The following NKAIN3 variants were observed in gnomAD, a reference collection of about 807,000 sequenced individuals.
NKAIN3 encodes the protein sodium/potassium-transporting ATPase subunit beta-1-interacting protein 3.
Under a neutral mutation model 30.2 loss-of-function variants are expected in NKAIN3, and 25 were observed. The ratio of observed to expected loss-of-function variants is 0.83; its 90% CI spans 0.60 to 1.16. NKAIN3 has a LOEUF of 1.16. NKAIN3 is among the 50% of genes most tolerant of loss of function. The pLI, the probability that NKAIN3 is intolerant of heterozygous loss-of-function variation, is 0.00. For synonymous variants in NKAIN3, 91 were observed against 89.6 expected (o/e 1.02, Z -0.09); for missense variants, 225 against 254.1 (o/e 0.89, Z 0.78).
At chr8:62,885,868 T>G (rs1180735071) in intron 4 of NKAIN3, among the ~76,000 whole-genome samples, 1 of 152,190 alleles carries the variant, frequency 6.6e-6, no homozygotes, top group Non-Finnish European at 1.5e-5. Context: ...TATCTGTATG[T>G]GTTTTTACAT....
intron 1 of NKAIN3, among the ~76,000 whole-genome samples, chr8:62,462,219 A>G (rs1320262317): frequency 1.3e-5 from 2 of 152,110 alleles, no homozygotes; most frequent in African/African-American, 4.8e-5. Context: ...TTCTCTTCTA[A>G]TGCTTCCATT....
At chr8:62,533,560 A>T (rs1362386552) in intron 1 of NKAIN3, among the ~76,000 whole-genome samples, 1 of 152,204 alleles carries the variant, frequency 6.6e-6, no homozygotes, top group Admixed American at 6.5e-5. Context: ...CATGAATTAC[A>T]TTTGGGAGAC....
chr8:62,254,703 T>C (rs1812212812), intron 1 of NKAIN3, among the ~76,000 whole-genome samples: 2 of 152,240 alleles, frequency 1.3e-5, no homozygotes, highest in Admixed American at 1.3e-4. Flanking sequence ...TTTTGTATTC[T>C]GTCCTAGGAA....
intron 3 of NKAIN3, among the ~76,000 whole-genome samples, chr8:62,746,014 A>G (rs1486040491): frequency 2.0e-5 from 3 of 152,244 alleles, no homozygotes; most frequent in Admixed American, 2.0e-4. Flanking sequence ...TTAACAAATC[A>G]TCACAAAATT....
chr8:62,434,216 G>T (rs1182540376), intron 1 of NKAIN3, among the ~76,000 whole-genome samples: 2 of 152,192 alleles, frequency 1.3e-5, no homozygotes, highest in Non-Finnish European at 2.9e-5. Flanking sequence ...CCATGAAGTT[G>T]TCCTTCGGGA....
chr8:62,994,920 C>A (rs1804072036), intron 5 of NKAIN3, among the ~76,000 whole-genome samples: 1 of 152,148 alleles, frequency 6.6e-6, no homozygotes, highest in South Asian at 2.1e-4. Context: ...ATTAAGCCTA[C>A]ATCATTGGGG....
intron 5 of NKAIN3, among the ~76,000 whole-genome samples, chr8:62,919,270 A>C (rs1403565930): frequency 2.0e-4 from 14 of 69,304 alleles, no homozygotes; most frequent in African/African-American, 2.6e-4. Context: ...TTTGAGACGG[A>C]GTCTCCCTCT....
chr8:62,337,635 C>G (rs1422436331), intron 1 of NKAIN3, among the ~76,000 whole-genome samples: 1 of 151,866 alleles, frequency 6.6e-6, no homozygotes, highest in Non-Finnish European at 1.5e-5. Flanking sequence ...TGTGTGTACA[C>G]ATATACAAAC....
At chr8:62,831,961 TA>T (rs1272330977) in intron 4 of NKAIN3, among the ~76,000 whole-genome samples, 1 of 151,726 alleles carries the variant, frequency 6.6e-6, no homozygotes, top group Admixed American at 6.6e-5. Flanking sequence ...AAAGGCAGCT[TA>T]AAAAAAGAAA....
chr8:62,824,285 G>A (rs185599712), intron 4 of NKAIN3, among the ~76,000 whole-genome samples: 204 of 152,142 alleles, frequency 1.3e-3, no homozygotes, highest in Middle Eastern at 3.4e-3. Flanking sequence ...ACTTGGTCCC[G>A]TATGGGGAAT....
At chr8:62,872,702 T>C (rs1252494742) in intron 4 of NKAIN3, among the ~76,000 whole-genome samples, 2 of 152,222 alleles carry the variant, frequency 1.3e-5, no homozygotes, top group Non-Finnish European at 2.9e-5. Flanking sequence ...TAAGTCCACA[T>C]ATGCCCTCAG....
intron 1 of NKAIN3, among the ~76,000 whole-genome samples, chr8:62,552,095 A>T (rs1391791251): frequency 6.6e-6 from 1 of 152,174 alleles, no homozygotes; most frequent in Non-Finnish European, 1.5e-5. Context: ...TGCAACACAT[A>T]TAATTGTTGT....
At chr8:62,530,396 G>T (rs1808451627) in intron 1 of NKAIN3, among the ~76,000 whole-genome samples, 1 of 152,058 alleles carries the variant, frequency 6.6e-6, no homozygotes, top group Non-Finnish European at 1.5e-5. Context: ...TGATATCTTG[G>T]CAGTTGCCTG....
chr8:62,508,065 C>T (rs920919312), intron 1 of NKAIN3, among the ~76,000 whole-genome samples: 7 of 152,176 alleles, frequency 4.6e-5, no homozygotes, highest in Non-Finnish European at 8.8e-5. Flanking sequence ...ATATGTTATT[C>T]CTTGCAGGAA....
chr8:62,501,622 A>ACCAC (rs1174947032), intron 1 of NKAIN3, among the ~76,000 whole-genome samples: 1 of 152,012 alleles, frequency 6.6e-6, no homozygotes, highest in African/African-American at 2.4e-5. Context: ...AATGTGCATT[A>ACCAC]CCACTGTTGT....
At chr8:62,497,041 CT>C (rs952640671) in intron 1 of NKAIN3, among the ~76,000 whole-genome samples, 2 of 150,968 alleles carry the variant, frequency 1.3e-5, no homozygotes, top group Admixed American at 6.6e-5. Context: ...AGTTCAAGTT[CT>C]TTTTTTTTAA....
At chr8:62,920,048 G>A (rs902900444) in intron 5 of NKAIN3, among the ~76,000 whole-genome samples, 6 of 152,032 alleles carry the variant, frequency 3.9e-5, no homozygotes, top group Non-Finnish European at 5.9e-5. Context: ...ACAACCTGAT[G>A]GAGTTAATAT....
In NKAIN3 at chr8:62,967,737, A is replaced by C. The variant is rs1190445494; in HGVS notation, c.*2330A>C. Among the ~76,000 whole-genome samples, 1 of 152,238 alleles carries C rather than the reference A, an allele frequency of 6.6e-6. No homozygotes were observed. Among genetic ancestry groups the C allele is most frequent in the Non-Finnish European group, 1.5e-5 (1 of 68,044 alleles). On this transcript the variant is annotated 3_prime_UTR_variant, in exon 7 of 7. Coordinates refer to ENST00000623646, the MANE Select transcript of NKAIN3 (RefSeq NM_001304533.3). Reference sequence around the variant, plus strand: ...CATCAAAACTGTAGAGAGTCAGTAAAAAAGGATAAAATGAGTATTGACATA... The same window carrying C: ...CATCAAAACTGTAGAGAGTCAGTAACAAAGGATAAAATGAGTATTGACATA...
At chr8:62,850,449 C>G (rs1343276724) in intron 4 of NKAIN3, among the ~76,000 whole-genome samples, 2 of 151,974 alleles carry the variant, frequency 1.3e-5, no homozygotes, top group African/African-American at 2.4e-5. Flanking sequence ...TGCAGAAGCT[C>G]TTTAGTTTAA....
Sources: gnomAD v4.1 joint callset for allele counts (sites outside exome capture counted in the v4.1 genomes callset) on GRCh38, gnomAD v4.1.1 for gene constraint, MANE v1.5 for transcripts, NCBI Gene and HGNC (gene_info 2026-07-23, HGNC 2026-07-21) for gene names.